AGPAT2: variants seen among roughly 807,000 people sequenced by gnomAD.
AGPAT2 encodes 1-acylglycerol-3-phosphate O-acyltransferase 2.
Under a neutral mutation model 26.1 loss-of-function variants are expected in AGPAT2, and 18 were observed. That is an observed-to-expected ratio of 0.69 (90% CI 0.48 to 1.02). The LOEUF (loss-of-function observed/expected upper bound fraction) is 1.02, where lower values mean the gene tolerates loss of function less well. Ranked by LOEUF, AGPAT2 falls within the 50% of genes least tolerant of loss-of-function variation. The probability of loss-of-function intolerance (pLI) is 0.00; values close to 1 mark genes in which losing one functional copy is unlikely to be tolerated. For synonymous variants in AGPAT2, 200 were observed against 174.2 expected (o/e 1.15, Z -1.16); for missense variants, 415 against 394.9 (o/e 1.05, Z -0.43).
chr9:136,682,992 C>T (rs1213058024), intron 1 of AGPAT2, among the ~76,000 whole-genome samples: 3 of 145,876 alleles, frequency 2.1e-5, no homozygotes, highest in Admixed American at 7.4e-5. Flanking sequence ...TTCTATGAGG[C>T]GGAGACACCC....
intron 1 of AGPAT2, among the ~76,000 whole-genome samples, chr9:136,677,937 G>A (rs528060827): frequency 3.3e-5 from 5 of 152,302 alleles, no homozygotes; most frequent in East Asian, 1.9e-4. Context: ...AAGGACCCAC[G>A]TCGGGGAGAG....
At chr9:136,679,322 AC>A (rs1363103052) in intron 1 of AGPAT2, among the ~76,000 whole-genome samples, 2 of 151,872 alleles carry the variant, frequency 1.3e-5, no homozygotes, top group African/African-American at 4.8e-5. Flanking sequence ...AATGCTCATG[AC>A]CCCCTGTTGC....
chr9:136,681,435 G>C (rs1444602505), intron 1 of AGPAT2, among the ~76,000 whole-genome samples: 2 of 152,240 alleles, frequency 1.3e-5, no homozygotes, highest in Admixed American at 1.3e-4. Flanking sequence ...TGAGGCCACC[G>C]CACTTCCCCC....
At chr9:136,679,111 T>G (rs997101655) in intron 1 of AGPAT2, among the ~76,000 whole-genome samples, 1 of 152,204 alleles carries the variant, frequency 6.6e-6, no homozygotes, top group Non-Finnish European at 1.5e-5. Context: ...CTTGGCCTTT[T>G]CCGGGTGCAC....
intron 4 of AGPAT2, 137 bp from the exon 5 acceptor site, chr9:136,674,944 T>A: frequency 1.9e-6 from 1 of 522,762 alleles, no homozygotes; most frequent in Non-Finnish European, 3.2e-6. Context: ...CTTGTGGCTG[T>A]CCTGCCCCTG....
At chr9:136,680,842 T>C (rs190014945) in intron 1 of AGPAT2, among the ~76,000 whole-genome samples, 121 of 151,642 alleles carry the variant, frequency 8.0e-4, no homozygotes, top group Admixed American at 1.5e-3. Flanking sequence ...AATTTTTGTA[T>C]TTTTAGTAGA....
At chr9:136,684,298 G>A (rs1252610853) in intron 1 of AGPAT2, among the ~76,000 whole-genome samples, 3 of 152,200 alleles carry the variant, frequency 2.0e-5, no homozygotes, top group Non-Finnish European at 4.4e-5. Context: ...GCCGCTCTGG[G>A]CTTTGCTTTC....
intron 1 of AGPAT2, among the ~76,000 whole-genome samples, chr9:136,679,701 G>A (rs187659818): frequency 5.9e-5 from 9 of 152,338 alleles, no homozygotes; most frequent in African/African-American, 1.7e-4. Context: ...TCAAAGAAGC[G>A]CAAATGGAAA....
At chr9:136,686,192 C>T (rs1015268338) in intron 1 of AGPAT2, among the ~76,000 whole-genome samples, 1 of 152,224 alleles carries the variant, frequency 6.6e-6, no homozygotes, top group South Asian at 2.1e-4. Context: ...GCAAGGACAG[C>T]GAGTGCAGGG....
chr9:136,675,336 C>A (rs1297533721), intron 4 of AGPAT2, among the ~76,000 whole-genome samples: 1 of 136,744 alleles, frequency 7.3e-6, no homozygotes, highest in Non-Finnish European at 1.6e-5. Flanking sequence ...AGCAGGTAGG[C>A]TGGGGACTGG....
rs761378691 is a variant in AGPAT2, at chr9:136,687,179, A to C, written c.179T>G (p.Met60Arg). The change falls in exon 1 of 6, where the codon ATG (methionine) becomes AGG (arginine). Residue 60 changes from methionine (M) to arginine (R), a missense_variant. Coordinates refer to ENST00000371696, the MANE Select transcript of AGPAT2 (RefSeq NM_006412.4). ...TCCCGGCGGCCCCCGGCCTTGCCTC[A>C]TGTTCTCCACCGTCCGGCCGCCGTG... ...LRHGGRTVEN[M>R]SIIGWFVRSF... is the part of the protein sequence containing the mutation. The C allele has an allele frequency of 6.3e-6, 10 of 1,587,810 alleles. No homozygotes were observed. The highest frequency in any genetic ancestry group is 3.4e-5 in the South Asian group (3 of 88,892).
chr9:136,678,104 G>A (rs1305854203), intron 1 of AGPAT2, among the ~76,000 whole-genome samples: 1 of 152,168 alleles, frequency 6.6e-6, no homozygotes, highest in Non-Finnish European at 1.5e-5. Context: ...AGCCGAGACC[G>A]AGACCCTCTC....
intron 5 of AGPAT2, among the ~76,000 whole-genome samples, chr9:136,674,245 G>A (rs1846057833): frequency 6.6e-6 from 1 of 152,228 alleles, no homozygotes; most frequent in Non-Finnish European, 1.5e-5. Context: ...CGGGGCGAGG[G>A]GCTGTGGGAG....
At position 136,673,588 on chromosome 9, in the gene AGPAT2, G is replaced by T. The variant is rs777619886; in HGVS notation, c.*164C>A. 3.3e-4 allele frequency: 259 copies of T among 795,826 alleles called. No individual in the cohort carries two copies. Among genetic ancestry groups the T allele is most frequent in the Non-Finnish European group, 4.5e-4 (244 of 541,024 alleles). The allele number at this position is 795,826 out of a possible 1,614,324, so 49.3% of individuals were successfully genotyped here. ...CCTGCAGGGGACACCAGGGGCCTGT[G>T]TCTGAGGCCAGTGACAGAAGGGGCT... On this transcript the variant is annotated 3_prime_UTR_variant, in exon 6 of 6. Coordinates refer to ENST00000371696, the MANE Select transcript of AGPAT2 (RefSeq NM_006412.4).
intron 1 of AGPAT2, among the ~76,000 whole-genome samples, chr9:136,681,324 C>T (rs933639614): frequency 6.6e-6 from 1 of 152,192 alleles, no homozygotes; most frequent in Non-Finnish European, 1.5e-5. Flanking sequence ...TAGAACTCTG[C>T]AGCCCACAGT....
chr9:136,687,318 G>GCAA lies in AGPAT2; in HGVS notation c.37_39dup (p.Leu17dup), dbSNP rs2131023952. On this transcript the variant is annotated inframe_insertion, in exon 1 of 6. Transcript: ENST00000371696. ...CGGCTCAGCTGCACCAGCAGCAGCAGCAACAGCAGCGCCGCGGCCAGACAC... is the reference window on the plus strand; with the variant it reads ...CGGCTCAGCTGCACCAGCAGCAGCAGCAACAACAGCAGCGCCGCGGCCAGACAC... 1 of 1,571,932 alleles carries GCAA rather than the reference G, an allele frequency of 6.4e-7. No individual in the cohort carries two copies. Among genetic ancestry groups the GCAA allele is most frequent in the South Asian group, 1.1e-5 (1 of 87,198 alleles).
rs1416598711 is a variant in AGPAT2 at position 136,677,542 on chromosome 9, A to G, written c.197T>C (p.Phe66Ser). ...TVENMSIIGW[F>S]VRSFKYFYGL... ...GTAAAAGTACTTGAAGCTTCGCACG[A>G]ACCAGCCGATGATGCTGCAGGGGAG... Residue 66 changes from phenylalanine (F) to serine (S), a missense_variant, in exon 2 of 6, where the codon TTC becomes TCC. By Grantham distance (155) the Phe-to-Ser change is radical. Transcript: ENST00000371696. 6.2e-7 allele frequency: 1 copy of G among 1,612,824 alleles called. No individual in the cohort carries two copies. The highest frequency in any genetic ancestry group is 1.3e-5 in the African/African-American group (1 of 75,052).
intron 1 of AGPAT2, among the ~76,000 whole-genome samples, chr9:136,685,887 CCT>C (rs1173268724): frequency 3.9e-5 from 6 of 152,328 alleles, no homozygotes; most frequent in Admixed American, 1.3e-4. Flanking sequence ...CCAGGAACTC[CCT>C]GTTTCTGCAA....
chr9:136,682,009 G>A (rs1273356682), intron 1 of AGPAT2, among the ~76,000 whole-genome samples: 1 of 152,178 alleles, frequency 6.6e-6, no homozygotes, highest in Non-Finnish European at 1.5e-5. Flanking sequence ...ACCCCCCAGG[G>A]TAGGTACGAT....
Sources: gnomAD v4.1 joint callset for allele counts (sites outside exome capture counted in the v4.1 genomes callset) on GRCh38, gnomAD v4.1.1 for gene constraint, MANE v1.5 for transcripts, NCBI Gene and HGNC (gene_info 2026-07-23, HGNC 2026-07-21) for gene names.